DLGAP2: variants seen among roughly 807,000 people sequenced by gnomAD.
DLGAP2 encodes the protein disks large-associated protein 2.
A neutral mutation model predicts 100.3 loss-of-function variants in DLGAP2; 26 were observed. That is an observed-to-expected ratio of 0.26 (90% CI 0.19 to 0.36). The LOEUF is 0.36. Among genes scored for constraint, DLGAP2 ranks in the 10% least tolerant of loss-of-function variants. The pLI, the probability that DLGAP2 is intolerant of heterozygous loss-of-function variation, is 1.00. For synonymous variants in DLGAP2, 886 were observed against 630.1 expected (o/e 1.41, Z -6.08); for missense variants, 1,858 against 1,453.2 (o/e 1.28, Z -4.53).
At chr8:1,479,686 G>A (rs751560752) in intron 3 of DLGAP2, among the ~76,000 whole-genome samples, 2 of 152,106 alleles carry the variant, frequency 1.3e-5, no homozygotes, top group African/African-American at 2.4e-5. Context: ...ATGCAAAGGG[G>A]TTGGCCAACC....
At chr8:1,460,395 T>C (rs1798440706) in intron 3 of DLGAP2, among the ~76,000 whole-genome samples, 1 of 152,256 alleles carries the variant, frequency 6.6e-6, no homozygotes, top group Non-Finnish European at 1.5e-5. Context: ...AGATGCTGGC[T>C]AGGACTTTAA....
At chr8:1,576,987 G>A (rs1198553302) in intron 6 of DLGAP2, among the ~76,000 whole-genome samples, 2 of 152,164 alleles carry the variant, frequency 1.3e-5, no homozygotes, top group African/African-American at 4.8e-5. Flanking sequence ...AAAGAACAAA[G>A]CTGGAGGCAT....
chr8:927,207 C>T lies in DLGAP2; in HGVS notation c.73+19241C>T, dbSNP rs576618252. On this transcript the variant is annotated intron_variant, in intron 2 of 14. Transcript: ENST00000637795. Reference sequence around the variant, plus strand: ...AGGAAAACTCCTACAAAGGTAAGAACGCTGTTTATAGAACATGATCCATTA... The same window carrying T: ...AGGAAAACTCCTACAAAGGTAAGAATGCTGTTTATAGAACATGATCCATTA... 6.1e-6 allele frequency: 6 copies of T among 985,340 alleles called. No homozygotes were observed. In the African/African-American group the frequency reaches 8.7e-5, roughly 14 times the overall value. The allele number at this position is 985,340 out of a possible 1,614,324, so 61.0% of individuals were successfully genotyped here. A position where few individuals can be genotyped will look rare whatever the true frequency, so the allele number is the denominator to read the frequency against.
intron 2 of DLGAP2, among the ~76,000 whole-genome samples, chr8:1,103,158 G>A (rs535985377): frequency 3.3e-5 from 5 of 152,108 alleles, no homozygotes; most frequent in South Asian, 2.1e-4. Context: ...AGAAGGGAAC[G>A]GAGGTGGCCG....
At chr8:1,165,695 A>G (rs1295023587) in intron 2 of DLGAP2, among the ~76,000 whole-genome samples, 1 of 152,096 alleles carries the variant, frequency 6.6e-6, no homozygotes, top group Non-Finnish European at 1.5e-5. Context: ...TTTTTAGCTC[A>G]GTTTGCTGTG....
intron 2 of DLGAP2, among the ~76,000 whole-genome samples, chr8:1,233,886 G>C (rs1306144479): frequency 6.6e-6 from 1 of 152,160 alleles, no homozygotes; most frequent in Non-Finnish European, 1.5e-5. Context: ...GTGTCACACG[G>C]ATGTATATGG....
chr8:770,782 AG>A (rs1821335738), intron 1 of DLGAP2, among the ~76,000 whole-genome samples: 4 of 152,186 alleles, frequency 2.6e-5, no homozygotes, highest in Admixed American at 2.6e-4. Context: ...GGCATCACAC[AG>A]TTATATACTG....
At chr8:848,164 C>A (rs1797105047) in intron 1 of DLGAP2, among the ~76,000 whole-genome samples, 1 of 152,216 alleles carries the variant, frequency 6.6e-6, no homozygotes, top group Non-Finnish European at 1.5e-5. Flanking sequence ...AACCTTGAGA[C>A]ACTGGCTTCT....
chr8:1,699,538 C>T (rs553254389), intron 14 of DLGAP2, among the ~76,000 whole-genome samples: 2 of 151,998 alleles, frequency 1.3e-5, no homozygotes, highest in Admixed American at 6.5e-5. Context: ...GGAGTGAACC[C>T]GGAAGGCAGA....
chr8:1,586,154 G>T (rs1288302059), intron 6 of DLGAP2, among the ~76,000 whole-genome samples: 1 of 152,268 alleles, frequency 6.6e-6, no homozygotes, highest in Non-Finnish European at 1.5e-5. Context: ...TAAGGCCGAG[G>T]TGTCGGCAGC....
chr8:827,428 A>T (rs959953749), intron 1 of DLGAP2, among the ~76,000 whole-genome samples: 1 of 152,206 alleles, frequency 6.6e-6, no homozygotes, highest in Non-Finnish European at 1.5e-5. Context: ...TAACAATCAC[A>T]TGTCTTTGAG....
At chr8:1,218,498 T>C (rs1042333059) in intron 2 of DLGAP2, among the ~76,000 whole-genome samples, 3 of 135,928 alleles carry the variant, frequency 2.2e-5, no homozygotes, top group Non-Finnish European at 4.5e-5. Flanking sequence ...TGTTTAGTTT[T>C]GTTTTTTTAC....
intron 1 of DLGAP2, among the ~76,000 whole-genome samples, chr8:888,823 G>A (rs1010231288): frequency 2.6e-5 from 4 of 152,172 alleles, no homozygotes; most frequent in African/African-American, 9.7e-5. Context: ...TACAGGGTGT[G>A]TGACAACCCC....
intron 1 of DLGAP2, among the ~76,000 whole-genome samples, chr8:894,293 C>T (rs182733318): frequency 9.9e-5 from 15 of 152,282 alleles, no homozygotes; most frequent in African/African-American, 3.1e-4. Context: ...GTCGAGACAT[C>T]TCTGTGTTAC....
chr8:1,239,752 C>A (rs1188828092), intron 2 of DLGAP2, among the ~76,000 whole-genome samples: 2 of 59,264 alleles, frequency 3.4e-5, no homozygotes. Context: ...GTGTCTAGTT[C>A]TCTCACATGG....
intron 2 of DLGAP2, among the ~76,000 whole-genome samples, chr8:1,189,269 G>A (rs1188879871): frequency 1.3e-5 from 2 of 152,206 alleles, no homozygotes; most frequent in African/African-American, 2.4e-5. Flanking sequence ...GGCCCCAGCG[G>A]GAGTCACTGT....
intron 1 of DLGAP2, among the ~76,000 whole-genome samples, chr8:840,450 G>C (rs7841244): frequency 0.28 from 18,602 of 66,084 alleles, 3,481 homozygotes; most frequent in Admixed American, 0.49. Context: ...CTGGATTCTG[G>C]GAGCGCGTCT....
intron 3 of DLGAP2, among the ~76,000 whole-genome samples, chr8:1,472,103 C>T (rs554521008): frequency 8.1e-4 from 124 of 152,312 alleles, no homozygotes; most frequent in African/African-American, 2.7e-3. Context: ...GGGCCTGAGG[C>T]GTAAACAAGT....
At chr8:1,232,117 T>A (rs923742338) in intron 2 of DLGAP2, among the ~76,000 whole-genome samples, 1 of 152,192 alleles carries the variant, frequency 6.6e-6, no homozygotes, top group Admixed American at 6.5e-5. Context: ...GGGATGGTTA[T>A]TTGAGGAGCT....
Sources: allele counts gnomAD v4.1 joint callset (sites outside exome capture counted in the v4.1 genomes callset), GRCh38; gene constraint gnomAD v4.1.1; transcripts MANE v1.5; gene names NCBI Gene and HGNC (gene_info 2026-07-23, HGNC 2026-07-21).